MCM3AP: variants seen among roughly 807,000 people sequenced by gnomAD.
The protein encoded by MCM3AP is minichromosome maintenance complex component 3 associated protein.
A neutral mutation model predicts 184.1 loss-of-function variants in MCM3AP; 126 were observed. That is an observed-to-expected ratio of 0.68 (90% CI 0.59 to 0.79). The LOEUF is 0.79. Ranked by LOEUF, MCM3AP falls within the 30% of genes least tolerant of loss-of-function variation. MCM3AP has a pLI of 0.00. For synonymous variants in MCM3AP, 1,002 were observed against 979.3 expected (o/e 1.02, Z -0.43); for missense variants, 2,496 against 2,479.2 (o/e 1.01, Z -0.14).
At chr21:46,277,404 A>G (rs2081269543) in intron 5 of MCM3AP, 123 bp downstream of exon 5, 4 of 646,234 alleles carry the variant, frequency 6.2e-6, no homozygotes, top group Middle Eastern at 4.7e-4. Context: ...CAGACACAGC[A>G]TATCACAGGC....
At chr21:46,238,256 T>C (rs1288078300) in intron 26 of MCM3AP, among the ~76,000 whole-genome samples, 1 of 121,016 alleles carries the variant, frequency 8.3e-6, no homozygotes, top group Non-Finnish European at 1.8e-5. Context: ...GCTTATCTTA[T>C]TTAATTTACT....
At chr21:46,257,762 T>TAA (rs1333998151) in intron 16 of MCM3AP, among the ~76,000 whole-genome samples, 7 of 150,218 alleles carry the variant, frequency 4.7e-5, no homozygotes, top group Non-Finnish European at 1.0e-4. Context: ...CTACTAAAAA[T>TAA]AAAAAAAACA....
Position 46,256,797 on chromosome 21 carries a change from G to T in MCM3AP, c.3924C>A (p.Ser1308=). The change falls in exon 17 of 28, where the codon TCC becomes TCA. Residue 1308 remains serine, a synonymous_variant. Coordinates refer to ENST00000291688, the MANE Select transcript of MCM3AP (RefSeq NM_003906.5). ...DLGHAGRLGI[S]CTRLRRLRNK... The stretch of plus-strand genomic sequence containing the variant: ...CGACAGCTGATGCTGACCTGGTGCA[G>T]GAGATGCCCAATCTCCCTGCATGGC... 1 of 1,552,736 alleles carries T rather than the reference G, an allele frequency of 6.4e-7. No homozygotes were observed. The highest frequency in any genetic ancestry group is 1.2e-5 in the South Asian group (1 of 84,316).
intron 13 of MCM3AP, among the ~76,000 whole-genome samples, chr21:46,263,240 G>A (rs1273675395): frequency 1.3e-5 from 2 of 151,794 alleles, no homozygotes; most frequent in Non-Finnish European, 2.9e-5. Context: ...TGAGGCAGGG[G>A]AATCGCTTGA....
chr21:46,254,561 T>G (rs1035195739), intron 18 of MCM3AP, 35 bp from the exon 19 acceptor site: 16 of 1,612,586 alleles, frequency 9.9e-6, no homozygotes, highest in Non-Finnish European at 1.4e-5. Context: ...TTAGCCAGTG[T>G]GTGAGACCCT....
intron 23 of MCM3AP, 185 bp downstream of exon 23, chr21:46,244,622 T>C: frequency 1.5e-6 from 1 of 652,242 alleles, no homozygotes; most frequent in Non-Finnish European, 2.6e-6. Context: ...AAACCCAGCT[T>C]GTTCTGGCTC....
At position 46,243,545 on chromosome 21, in the gene MCM3AP, A is replaced by G; in HGVS notation, c.5216T>C (p.Ile1739Thr). ...CAAGGCGATAAGATCATCCCATGGG[A>G]TCTCCATGACCGAGGGGCCTGCCCC... is the stretch of plus-strand genomic sequence containing the variant. ...VHGAGPSVMEIPWDDLIALCI... is the reference protein window; with the variant it reads ...VHGAGPSVMETPWDDLIALCI... Residue 1739 changes from isoleucine to threonine, a missense_variant, in exon 24 of 28, where the codon ATC (isoleucine) becomes ACC (threonine). Transcript: ENST00000291688. 1 of 1,614,118 alleles carries G rather than the reference A, an allele frequency of 6.2e-7. No homozygotes were observed. The highest frequency in any genetic ancestry group is 2.2e-5 in the East Asian group (1 of 44,870).
chr21:46,258,370 C>T (rs1179326228), intron 16 of MCM3AP, among the ~76,000 whole-genome samples: 1 of 152,228 alleles, frequency 6.6e-6, no homozygotes, highest in Admixed American at 6.5e-5. Flanking sequence ...TGTGCACTTA[C>T]ACCCAGTTGA....
At chr21:46,247,683 C>CA (rs1334423057) in intron 20 of MCM3AP, 1 of 152,012 alleles carries the variant, frequency 6.6e-6, no homozygotes, top group Non-Finnish European at 1.5e-5. Context: ...TTTATAGAAA[C>CA]AAAAATGAGA....
intron 26 of MCM3AP, 120 bp from the exon 27 acceptor site, chr21:46,237,099 A>AT (rs1444617996): frequency 4.0e-5 from 13 of 325,176 alleles, no homozygotes; most frequent in South Asian, 2.0e-4. Flanking sequence ...AATTTTATAT[A>AT]ATTTTTTTTT....
chr21:46,276,218 G>A (rs2081252911), intron 5 of MCM3AP, among the ~76,000 whole-genome samples: 2 of 150,788 alleles, frequency 1.3e-5, no homozygotes, highest in African/African-American at 4.9e-5. Flanking sequence ...CGCTCACTCT[G>A]TCATGGTACT....
In MCM3AP at chr21:46,244,962, A is replaced by T. The variant is rs897757704; in HGVS notation, c.4883T>A (p.Leu1628Gln). 4 of 1,614,126 alleles carry T rather than the reference A, an allele frequency of 2.5e-6. No individual in the cohort carries two copies. In the African/African-American group the frequency reaches 4.0e-5, roughly 16 times the overall value. The change falls in exon 23 of 28, where the codon CTG becomes CAG. Residue 1628 changes from leucine to glutamine, a missense_variant. Leu to Gln is a moderately radical substitution (Grantham distance 113). Transcript: ENST00000291688. ...FLASVVSSEQ[L>Q]CDLSWPVTEF... is the part of the protein sequence containing the mutation. The stretch of plus-strand genomic sequence containing the variant: ...AGTGACAGGCCAGGACAGGTCACAC[A>T]GCTGTTCAGAGGACACCACAGAAGC...
intron 25 of MCM3AP, chr21:46,241,352 A>G: frequency 9.0e-6 from 2 of 222,052 alleles, no homozygotes; most frequent in South Asian, 9.3e-5. Flanking sequence ...TTCCCACCCT[A>G]GGGTTCCAGA....
chr21:46,261,131 C>A, intron 14 of MCM3AP, 149 bp downstream of exon 14: 1 of 1,073,372 alleles, frequency 9.3e-7, no homozygotes, highest in East Asian at 2.4e-5. Context: ...CATCCACCCC[C>A]TGGGCTGAAG....
intron 8 of MCM3AP, among the ~76,000 whole-genome samples, chr21:46,271,601 G>A (rs1040004332): frequency 3.9e-5 from 6 of 151,982 alleles, no homozygotes; most frequent in Non-Finnish European, 7.4e-5. Flanking sequence ...GACTCTAACT[G>A]TAATCCCAGC....
chr21:46,276,833 G>C (rs143979956), intron 5 of MCM3AP, among the ~76,000 whole-genome samples: 2,327 of 151,504 alleles, frequency 0.015, 47 homozygotes, highest in African/African-American at 0.053. Flanking sequence ...CACCTCGCCA[G>C]TTCAAGTGAT....
At position 46,254,457 on chromosome 21, in the gene MCM3AP, A is replaced by C; in HGVS notation, c.4071T>G (p.His1357Gln). Residue 1357 changes from histidine to glutamine, a missense_variant, in exon 19 of 28, where the codon CAT (histidine) becomes CAG (glutamine). Coordinates refer to ENST00000291688, the MANE Select transcript of MCM3AP (RefSeq NM_003906.5). ...ACACCAGCACCAGCTTCCAAAACAC[A>C]TGCTCCTGCCTCCCAGGGAGGTGCT... ...VAEHLPGRQEHVFWKLVLVLP... is the reference protein window; with the variant it reads ...VAEHLPGRQEQVFWKLVLVLP... 2 of 1,613,996 alleles carry C rather than the reference A, an allele frequency of 1.2e-6. No individual in the cohort carries two copies. Among genetic ancestry groups the C allele is most frequent in the Non-Finnish European group, 1.7e-6 (2 of 1,179,972 alleles).
chr21:46,263,673 G>A (rs1469327851), intron 13 of MCM3AP, among the ~76,000 whole-genome samples: 3 of 148,288 alleles, frequency 2.0e-5, no homozygotes, highest in Non-Finnish European at 3.0e-5. Context: ...TCAGCTACTC[G>A]GGAAGCTGAG....
intron 10 of MCM3AP, 73 bp downstream of exon 10, chr21:46,266,909 C>G: frequency 6.5e-7 from 1 of 1,532,216 alleles, no homozygotes; most frequent in Non-Finnish European, 8.9e-7. Context: ...GCAGCCAGCC[C>G]TTCACAGCCC....
Sources: gnomAD v4.1 joint callset for allele counts (sites outside exome capture counted in the v4.1 genomes callset) on GRCh38, gnomAD v4.1.1 for gene constraint, MANE v1.5 for transcripts, NCBI Gene and HGNC (gene_info 2026-07-23, HGNC 2026-07-21) for gene names.